The following BLM variants were observed in gnomAD, a reference collection of about 807,000 sequenced individuals.
BLM encodes the protein recQ-like DNA helicase BLM.
BLM carries 95 observed loss-of-function variants against 135.3 expected under a neutral mutation model. That is an observed-to-expected ratio of 0.70 (90% CI 0.59 to 0.83). The LOEUF (loss-of-function observed/expected upper bound fraction) is 0.83. Ranked by LOEUF, BLM falls within the 40% of genes least tolerant of loss-of-function variation. The pLI, the probability that BLM is intolerant of heterozygous loss-of-function variation, is 0.00. For synonymous variants in BLM, 520 were observed against 589.2 expected, an observed-to-expected ratio of 0.88 and a Z score of 1.70; for missense variants, 1,518 against 1,663.9, an observed-to-expected ratio of 0.91 and a Z score of 1.53.
chr15:90,753,603 A>G (rs1895743988), intron 4 of BLM, among the ~76,000 whole-genome samples: 3 of 152,268 alleles, frequency 2.0e-5, no homozygotes. Flanking sequence ...TATATATTAT[A>G]AAACTGAAAT....
rs35012069 is a variant in BLM, at chr15:90,810,073, C to CTT, written c.3874+826_3874+827dup. On this transcript the variant is annotated intron_variant, in intron 20 of 21. Coordinates refer to ENST00000355112, the MANE Select transcript of BLM (RefSeq NM_000057.4). ...TTCAAGTTCTCTCTTTACCTAGTCG[C>CTT]TTTTTTTTTTTTTGACAGAGTCTCA... is the stretch of plus-strand genomic sequence containing the variant. Among the ~76,000 whole-genome samples, 830 of 143,964 alleles carry CTT rather than the reference C, an allele frequency of 5.8e-3. 2 individuals carry two copies. Among genetic ancestry groups the CTT allele is most frequent in the Non-Finnish European group, 7.9e-3 (518 of 65,758 alleles). 94.4% of individuals were successfully genotyped at this position (143,964 alleles called of 152,430 possible). A position where few individuals can be genotyped will look rare whatever the true frequency, so the allele number is the denominator to read the frequency against.
intron 5 of BLM, among the ~76,000 whole-genome samples, chr15:90,758,941 A>G (rs1895888141): frequency 6.6e-6 from 1 of 152,238 alleles, no homozygotes; most frequent in Non-Finnish European, 1.5e-5. Flanking sequence ...GATTCCAGGC[A>G]GATCAAAACA....
At chr15:90,761,850 T>C (rs1895997345) in intron 7 of BLM, among the ~76,000 whole-genome samples, 1 of 152,132 alleles carries the variant, frequency 6.6e-6, no homozygotes, top group South Asian at 2.1e-4. Flanking sequence ...CTCCTGGAGC[T>C]CACAGCTTAG....
chr15:90,750,378 T>G (rs1895650124), intron 3 of BLM, among the ~76,000 whole-genome samples: 2 of 152,310 alleles, frequency 1.3e-5, no homozygotes, highest in South Asian at 4.1e-4. Context: ...GGCTGAGGTC[T>G]GAAAATATTG....
chr15:90,724,392 T>C (rs1221804666), intron 1 of BLM, among the ~76,000 whole-genome samples: 1 of 152,190 alleles, frequency 6.6e-6, no homozygotes, highest in Non-Finnish European at 1.5e-5. Flanking sequence ...CTCTCTACTC[T>C]GTACCCATAT....
At chr15:90,812,814 G>A (rs1042085801) in intron 21 of BLM, among the ~76,000 whole-genome samples, 1 of 152,194 alleles carries the variant, frequency 6.6e-6, no homozygotes, top group African/African-American at 2.4e-5. Context: ...TCTTGTATGT[G>A]CTAATCCTCC....
chr15:90,725,457 C>T (rs1417551875), intron 1 of BLM, among the ~76,000 whole-genome samples: 7 of 151,492 alleles, frequency 4.6e-5, no homozygotes, highest in Middle Eastern at 3.2e-3. Flanking sequence ...AAGATGAGTA[C>T]CCTGATGTGT....
At chr15:90,769,719 C>A in intron 12 of BLM, 133 bp downstream of exon 12, 1 of 1,077,832 alleles carries the variant, frequency 9.3e-7, no homozygotes, top group Admixed American at 2.0e-5. Flanking sequence ...AAGTTGTAAC[C>A]CGATGGCAGC....
At chr15:90,750,684 G>T (rs1895657971) in intron 3 of BLM, among the ~76,000 whole-genome samples, 1 of 152,172 alleles carries the variant, frequency 6.6e-6, no homozygotes, top group South Asian at 2.1e-4. Context: ...AAGGAAGGGT[G>T]AGTAGAGTAA....
intron 1 of BLM, among the ~76,000 whole-genome samples, chr15:90,723,188 T>G (rs1894814670): frequency 6.6e-6 from 1 of 152,128 alleles, no homozygotes; most frequent in Non-Finnish European, 1.5e-5. Flanking sequence ...CTTCATAGTT[T>G]GCCCTGATCT....
chr15:90,773,191 A>G (rs556229772), intron 12 of BLM, among the ~76,000 whole-genome samples: 2 of 150,204 alleles, frequency 1.3e-5, no homozygotes, highest in Admixed American at 6.6e-5. Context: ...AGGCCAAGGG[A>G]GACGGATCAC....
At chr15:90,795,649 G>T (rs188089660) in intron 16 of BLM, among the ~76,000 whole-genome samples, 114 of 151,364 alleles carry the variant, frequency 7.5e-4, no homozygotes, top group African/African-American at 2.7e-3. Context: ...ACAGATATTT[G>T]TTGGGCTGTG....
At chr15:90,751,972 ATTAT>A in intron 4 of BLM, 26 bp downstream of exon 4, 1 of 1,566,420 alleles carries the variant, frequency 6.4e-7, no homozygotes, top group South Asian at 1.1e-5. Context: ...AATTAGCATT[ATTAT>A]TTGTTTCTGG....
At chr15:90,780,925 C>T (rs565699326) in intron 12 of BLM, among the ~76,000 whole-genome samples, 1 of 152,288 alleles carries the variant, frequency 6.6e-6, no homozygotes, top group Non-Finnish European at 1.5e-5. Flanking sequence ...CATTTTATAT[C>T]AGGGACTTGA....
intron 15 of BLM, among the ~76,000 whole-genome samples, chr15:90,791,711 T>C (rs1368777329): frequency 6.6e-6 from 1 of 152,138 alleles, no homozygotes. Flanking sequence ...GAATCTTGGC[T>C]CACTGCAACC....
chr15:90,813,188 A>G (rs556182772), intron 21 of BLM, among the ~76,000 whole-genome samples: 4 of 152,320 alleles, frequency 2.6e-5, no homozygotes, highest in South Asian at 4.1e-4. Context: ...AAAAACACGC[A>G]TGGTCTTCCA....
Position 90,765,284 on chromosome 15 carries a change from G to T in BLM, c.2075-12G>T, listed in dbSNP as rs28385027. 1,463 of 1,564,780 alleles carry T rather than the reference G, an allele frequency of 9.3e-4. 14 individuals carry two copies. The African/African-American group carries it at 0.018, about 19-fold the overall frequency. On this transcript the variant is annotated splice_polypyrimidine_tract_variant and intron_variant, in intron 8 of 21. Coordinates refer to ENST00000355112, the MANE Select transcript of BLM (RefSeq NM_000057.4). Reference sequence around the variant, plus strand: ...AGAACCTGACAGATATTTTTTCATTGTTCTCTTTCAGGAGGTGGTAAGAGT... The same window carrying T: ...AGAACCTGACAGATATTTTTTCATTTTTCTCTTTCAGGAGGTGGTAAGAGT...
At chr15:90,753,872 T>C (rs1326189999) in intron 4 of BLM, among the ~76,000 whole-genome samples, 2 of 152,226 alleles carry the variant, frequency 1.3e-5, no homozygotes, top group Non-Finnish European at 2.9e-5. Flanking sequence ...AATAACCCAG[T>C]GGTTTTAATG....
chr15:90,800,814 G>A (rs1897148123), intron 17 of BLM, among the ~76,000 whole-genome samples: 1 of 152,070 alleles, frequency 6.6e-6, no homozygotes, highest in South Asian at 2.1e-4. Flanking sequence ...AGAAACTCCA[G>A]GGAAAAGATT....
Sources: allele counts gnomAD v4.1 joint callset (sites outside exome capture counted in the v4.1 genomes callset), GRCh38; gene constraint gnomAD v4.1.1; transcripts MANE v1.5; gene names NCBI Gene and HGNC (gene_info 2026-07-23, HGNC 2026-07-21).